KIAA0825: variants seen among roughly 807,000 people sequenced by gnomAD.
The protein encoded by KIAA0825 is uncharacterized protein KIAA0825.
KIAA0825 carries 119 observed loss-of-function variants against 147.6 expected under a neutral mutation model. The observed-to-expected ratio is 0.81, with a 90% CI of 0.69 to 0.94. The LOEUF is 0.94. KIAA0825 is among the 40% of genes least tolerant of loss of function. The probability of loss-of-function intolerance (pLI) is 0.00; values close to 1 mark genes in which losing one functional copy is unlikely to be tolerated. For missense variants in KIAA0825, 1,381 were observed against 1,472.7 expected, an observed-to-expected ratio of 0.94 and a Z score of 1.02; for synonymous variants, 470 against 518.1, an observed-to-expected ratio of 0.91 and a Z score of 1.26.
chr5:94,593,768 T>C (rs564082692), intron 1 of KIAA0825: 36 of 353,908 alleles, frequency 1.0e-4, no homozygotes, highest in South Asian at 9.2e-4. Flanking sequence ...TTGACTTTTC[T>C]GCATTTCCAA....
At chr5:94,360,264 T>A (rs1399900760) in intron 20 of KIAA0825, among the ~76,000 whole-genome samples, 1 of 151,984 alleles carries the variant, frequency 6.6e-6, no homozygotes, top group Non-Finnish European at 1.5e-5. Context: ...AATTACCAGA[T>A]CTACTTGAAG....
chr5:94,165,674 A>G (rs1211896829), intron 20 of KIAA0825, among the ~76,000 whole-genome samples: 1 of 152,228 alleles, frequency 6.6e-6, no homozygotes, highest in Admixed American at 6.5e-5. Context: ...TTGACCATAA[A>G]AAAGAATGAG....
At chr5:94,321,646 T>C (rs1780211062) in intron 20 of KIAA0825, among the ~76,000 whole-genome samples, 1 of 151,996 alleles carries the variant, frequency 6.6e-6, no homozygotes, top group African/African-American at 2.4e-5. Flanking sequence ...ACAGTTTTCA[T>C]ATGCAACAGA....
intron 1 of KIAA0825, among the ~76,000 whole-genome samples, chr5:94,600,733 T>C (rs1179013297): frequency 6.6e-6 from 1 of 151,876 alleles, no homozygotes; most frequent in Non-Finnish European, 1.5e-5. Flanking sequence ...GTCTGTGGGC[T>C]TAAGAGAGTC....
intron 18 of KIAA0825, among the ~76,000 whole-genome samples, chr5:94,389,875 T>A (rs573630871): frequency 6.6e-6 from 1 of 152,328 alleles, no homozygotes; most frequent in East Asian, 1.9e-4. Context: ...TTATGCCTCT[T>A]ACCTTGCAGT....
At chr5:94,208,853 G>A (rs534893593) in intron 20 of KIAA0825, among the ~76,000 whole-genome samples, 19 of 152,302 alleles carry the variant, frequency 1.2e-4, no homozygotes, top group African/African-American at 4.1e-4. Flanking sequence ...ACTTGAAAAC[G>A]GGCCAGGGCT....
chr5:94,556,198 G>A (rs1430643124), intron 2 of KIAA0825, among the ~76,000 whole-genome samples: 1 of 151,966 alleles, frequency 6.6e-6, no homozygotes, highest in Admixed American at 6.6e-5. Flanking sequence ...GATTACAGGT[G>A]TGTGCCACCA....
chr5:94,311,228 ATTTT>A (rs1779143553), intron 20 of KIAA0825, among the ~76,000 whole-genome samples: 1 of 149,958 alleles, frequency 6.7e-6, no homozygotes, highest in South Asian at 2.1e-4. Flanking sequence ...TTGTTTTTGG[ATTTT>A]TGTTTTTTGG....
At chr5:94,326,474 C>A (rs1315565136) in intron 20 of KIAA0825, among the ~76,000 whole-genome samples, 1 of 152,116 alleles carries the variant, frequency 6.6e-6, no homozygotes, top group Non-Finnish European at 1.5e-5. Context: ...TATATCGTTT[C>A]TGTGGTTTTT....
chr5:94,428,735 G>A (rs1363926962), intron 14 of KIAA0825, among the ~76,000 whole-genome samples: 1 of 151,972 alleles, frequency 6.6e-6, no homozygotes, highest in African/African-American at 2.4e-5. Flanking sequence ...ACTTAGTGAT[G>A]TTCATTTTGA....
chr5:94,529,254 G>GA (rs1207276487), intron 3 of KIAA0825, among the ~76,000 whole-genome samples: 1 of 123,294 alleles, frequency 8.1e-6, no homozygotes, highest in African/African-American at 3.6e-5. Context: ...ACATATATAT[G>GA]TATATATCAT....
At chr5:94,489,989 G>A (rs922422196) in intron 5 of KIAA0825, among the ~76,000 whole-genome samples, 4 of 151,672 alleles carry the variant, frequency 2.6e-5, no homozygotes, top group African/African-American at 9.7e-5. Context: ...TCCATGTCAA[G>A]AAATTTATGA....
chr5:94,372,503 G>A lies in KIAA0825; in HGVS notation c.3710+11865C>T, dbSNP rs142341402. On this transcript the variant is annotated intron_variant, in intron 20 of 20. Coordinates refer to ENST00000682413, the MANE Select transcript of KIAA0825 (RefSeq NM_001145678.3). The stretch of plus-strand genomic sequence containing the variant: ...TACCAAACCACGTGGAAGCTGCCAA[G>A]GTTTGGGCTTGCACCCTCTGAAGCA... 5.2e-3 allele frequency among the ~76,000 whole-genome samples: 788 copies of A among 152,370 alleles called. 9 individuals carry two copies. The highest frequency in any genetic ancestry group is 9.0e-3 in the Admixed American group (138 of 15,312).
At chr5:94,591,107 T>C (rs1393264011) in intron 1 of KIAA0825, among the ~76,000 whole-genome samples, 2 of 152,012 alleles carry the variant, frequency 1.3e-5, no homozygotes, top group East Asian at 3.9e-4. Context: ...AGAAGAGAAA[T>C]ATAAACCCAC....
At chr5:94,601,905 A>G (rs1038526015) in intron 1 of KIAA0825, among the ~76,000 whole-genome samples, 19 of 152,226 alleles carry the variant, frequency 1.2e-4, no homozygotes, top group African/African-American at 4.6e-4. Context: ...AAAAAGATCA[A>G]ATCTATGACT....
chr5:94,613,285 C>T (rs983972483), intron 1 of KIAA0825, among the ~76,000 whole-genome samples: 2 of 152,054 alleles, frequency 1.3e-5, no homozygotes, highest in African/African-American at 4.8e-5. Context: ...ACATCCACCA[C>T]CCGGGGTTCA....
At chr5:94,250,363 A>C (rs1775885987) in intron 20 of KIAA0825, among the ~76,000 whole-genome samples, 2 of 152,166 alleles carry the variant, frequency 1.3e-5, no homozygotes, top group Non-Finnish European at 2.9e-5. Flanking sequence ...TTTTATTGCA[A>C]CTATGCCTAC....
chr5:94,368,282 G>A (rs1234492590), intron 20 of KIAA0825, among the ~76,000 whole-genome samples: 1 of 152,138 alleles, frequency 6.6e-6, no homozygotes, highest in Non-Finnish European at 1.5e-5. Flanking sequence ...AAGCAATCCT[G>A]CCACCTCAGC....
At chr5:94,161,251 A>G (rs1380990706) in intron 20 of KIAA0825, among the ~76,000 whole-genome samples, 3 of 152,174 alleles carry the variant, frequency 2.0e-5, no homozygotes, top group Non-Finnish European at 4.4e-5. Context: ...TAAAGTCTTT[A>G]TTGTTCTAGC....
Sources: allele counts gnomAD v4.1 joint callset (sites outside exome capture counted in the v4.1 genomes callset), GRCh38; gene constraint gnomAD v4.1.1; transcripts MANE v1.5; gene names NCBI Gene and HGNC (gene_info 2026-07-23, HGNC 2026-07-21).